The following NTRK2 variants were observed in gnomAD, a reference collection of about 807,000 sequenced individuals.
NTRK2 encodes BDNF/NT-3 growth factors receptor.
NTRK2 carries 13 observed loss-of-function variants against 94.5 expected under a neutral mutation model. The ratio of observed to expected loss-of-function variants is 0.14; its 90% CI spans 0.09 to 0.22. The LOEUF (loss-of-function observed/expected upper bound fraction) is 0.22. Ranked by LOEUF, NTRK2 falls within the 10% of genes least tolerant of loss-of-function variation. NTRK2 has a pLI of 1.00. For synonymous variants in NTRK2, 372 were observed against 407.4 expected, an observed-to-expected ratio of 0.91 and a Z score of 1.05; for missense variants, 639 against 1,071.2, an observed-to-expected ratio of 0.60 and a Z score of 5.63.
chr9:84,684,811 C>T (rs888612662), intron 2 of NTRK2, among the ~76,000 whole-genome samples: 2 of 151,980 alleles, frequency 1.3e-5, no homozygotes, highest in African/African-American at 4.8e-5. Flanking sequence ...GTGAACTTAG[C>T]CCTTTTCTTT....
At chr9:84,926,156 T>TG (rs2077779335) in intron 14 of NTRK2, among the ~76,000 whole-genome samples, 4 of 90,074 alleles carry the variant, frequency 4.4e-5, no homozygotes, top group African/African-American at 1.6e-4. Flanking sequence ...CTTCCTTCCT[T>TG]CCTTCCTTCC....
chr9:84,855,479 G>T (rs2075019435), intron 12 of NTRK2, among the ~76,000 whole-genome samples: 1 of 152,046 alleles, frequency 6.6e-6, no homozygotes, highest in Admixed American at 6.6e-5. Context: ...GAAATCTGTG[G>T]ATCTCCTCTC....
intron 14 of NTRK2, among the ~76,000 whole-genome samples, chr9:84,883,158 T>C (rs2076314996): frequency 6.6e-6 from 1 of 152,182 alleles, no homozygotes; most frequent in Admixed American, 6.5e-5. Context: ...ATAATCTGCA[T>C]TGTTAAAAAG....
intron 14 of NTRK2, among the ~76,000 whole-genome samples, chr9:84,869,671 G>A (rs1241443794): frequency 6.6e-6 from 1 of 152,070 alleles, no homozygotes; most frequent in Non-Finnish European, 1.5e-5. Context: ...TAAGCTCTTG[G>A]AGAGCAGGAT....
At chr9:84,730,960 C>T (rs2062846710) in intron 9 of NTRK2, among the ~76,000 whole-genome samples, 2 of 151,964 alleles carry the variant, frequency 1.3e-5, no homozygotes, top group South Asian at 4.2e-4. Flanking sequence ...GCTACTTTCT[C>T]CCAGTTGTTT....
In NTRK2 at chr9:84,670,641, G is replaced by A. The variant is rs1056439142; in HGVS notation, c.-108G>A. 1 of 1,074,796 alleles carries A rather than the reference G, an allele frequency of 9.3e-7. No individual in the cohort carries two copies. Among genetic ancestry groups the A allele is most frequent in the African/African-American group, 1.5e-5 (1 of 64,802 alleles). 66.6% of individuals were successfully genotyped at this position (1,074,796 alleles called of 1,614,324 possible). A position where few individuals can be genotyped will look rare whatever the true frequency, so the allele number is the denominator to read the frequency against. On this transcript the variant is annotated 5_prime_UTR_variant, in exon 2 of 19. Coordinates refer to ENST00000277120, the MANE Select transcript of NTRK2 (RefSeq NM_006180.6). ...ACTCGGCACGCCCGCAACAAGCACC[G>A]AGGAGTTAAGAGAGCCGCAAGCGCA...
At chr9:84,798,569 T>A (rs74798752) in intron 12 of NTRK2, among the ~76,000 whole-genome samples, 7,150 of 152,254 alleles carry the variant, frequency 0.047, 207 homozygotes, top group East Asian at 0.14. Context: ...ACCTTCCTTA[T>A]GTCCTAAGTG....
intron 12 of NTRK2, among the ~76,000 whole-genome samples, chr9:84,774,187 G>A (rs541472855): frequency 2.7e-4 from 41 of 152,310 alleles, no homozygotes; most frequent in African/African-American, 7.7e-4. Context: ...TCACTGGGAG[G>A]GGATATTCAG....
chr9:84,680,583 T>C (rs2131388071), intron 2 of NTRK2, among the ~76,000 whole-genome samples: 1 of 152,338 alleles, frequency 6.6e-6, no homozygotes, highest in African/African-American at 2.4e-5. Context: ...TCTGTTTCTT[T>C]CTATTGTTCC....
chr9:84,902,482 G>A (rs1019961132), intron 14 of NTRK2, among the ~76,000 whole-genome samples: 3 of 152,082 alleles, frequency 2.0e-5, no homozygotes, highest in Non-Finnish European at 4.4e-5. Flanking sequence ...ATGATTTTTC[G>A]TTCTCTGCTT....
At chr9:84,874,687 G>A (rs199664390) in intron 14 of NTRK2, 2 of 1,062,164 alleles carry the variant, frequency 1.9e-6, no homozygotes, top group Non-Finnish European at 2.3e-6. Context: ...CTCTCTCCTT[G>A]GACTCAGCCC....
At chr9:84,827,830 G>A (rs1258629800) in intron 12 of NTRK2, among the ~76,000 whole-genome samples, 1 of 152,148 alleles carries the variant, frequency 6.6e-6, no homozygotes, top group Non-Finnish European at 1.5e-5. Flanking sequence ...CAGTCTATCA[G>A]TTTCTCCCTT....
chr9:84,955,766 G>A (rs1341453176), intron 17 of NTRK2, among the ~76,000 whole-genome samples: 1 of 152,154 alleles, frequency 6.6e-6, no homozygotes, highest in Non-Finnish European at 1.5e-5. Context: ...TTGGGATGGT[G>A]ACAACCCAAT....
rs2059971879 is a variant in NTRK2, at chr9:84,690,363, C to T, written c.213-11796C>T. On this transcript the variant is annotated intron_variant, in intron 2 of 18. Transcript: ENST00000277120. ...CTTCTTGTGAAATGATTTGTCCTGA[C>T]TGGAGGCCAAGAGCTTTCAAAACTG... is the stretch of plus-strand genomic sequence containing the variant. 2.0e-5 allele frequency among the ~76,000 whole-genome samples: 3 copies of T among 152,160 alleles called. No homozygotes were observed. In the East Asian group the frequency reaches 5.8e-4, roughly 29 times the overall value.
At chr9:84,865,454 A>G (rs1440779950) in intron 13 of NTRK2, among the ~76,000 whole-genome samples, 2 of 152,108 alleles carry the variant, frequency 1.3e-5, no homozygotes, top group Non-Finnish European at 2.9e-5. Flanking sequence ...TAATCTCCAT[A>G]TGAGGGGGAA....
At chr9:84,831,822 C>T (rs1321372373) in intron 12 of NTRK2, among the ~76,000 whole-genome samples, 1 of 152,176 alleles carries the variant, frequency 6.6e-6, no homozygotes, top group Non-Finnish European at 1.5e-5. Context: ...TGTAAGTACA[C>T]TTAGGAGATT....
chr9:84,882,144 T>C (rs2076271850), intron 14 of NTRK2, among the ~76,000 whole-genome samples: 1 of 152,116 alleles, frequency 6.6e-6, no homozygotes, highest in African/African-American at 2.4e-5. Context: ...ACTGAATTCG[T>C]GCCCGTCTCT....
In NTRK2 at chr9:84,781,363, C is replaced by T. The variant is rs571870729; in HGVS notation, c.1396+29278C>T. 3.9e-5 allele frequency among the ~76,000 whole-genome samples: 6 copies of T among 152,146 alleles called. No individual in the cohort carries two copies. In the East Asian group the frequency reaches 5.8e-4, roughly 15 times the overall value. On this transcript the variant is annotated intron_variant, in intron 12 of 18. Transcript: ENST00000277120. ...TGTTTTTATGTATATGTTTTGTTGA[C>T]GCTTCTTAAGAGTTCATAACATTCT...
intron 12 of NTRK2, among the ~76,000 whole-genome samples, chr9:84,790,784 G>A (rs906632064): frequency 2.0e-5 from 3 of 152,198 alleles, no homozygotes; most frequent in Non-Finnish European, 4.4e-5. Context: ...GTTCAAGATA[G>A]AACCTGGGGA....
Sources: gnomAD v4.1 joint callset for allele counts (sites outside exome capture counted in the v4.1 genomes callset) on GRCh38, gnomAD v4.1.1 for gene constraint, MANE v1.5 for transcripts, NCBI Gene and HGNC (gene_info 2026-07-23, HGNC 2026-07-21) for gene names.